Variants in PIP4K2A observed in about 807,000 individuals in gnomAD.
PIP4K2A encodes phosphatidylinositol 5-phosphate 4-kinase type-2 alpha.
In PIP4K2A, 14 loss-of-function variants were observed where a neutral mutation model predicts 42.9. The ratio of observed to expected loss-of-function variants is 0.33; its 90% CI spans 0.22 to 0.51. The LOEUF (loss-of-function observed/expected upper bound fraction) is 0.51, where lower values mean the gene tolerates loss of function less well. Among genes scored for constraint, PIP4K2A ranks in the 20% least tolerant of loss-of-function variants. The pLI is 0.97. For synonymous variants in PIP4K2A, 192 were observed against 192.2 expected, an observed-to-expected ratio of 1.00 and a Z score of 0.01; for missense variants, 434 against 519.8, an observed-to-expected ratio of 0.83 and a Z score of 1.61.
chr10:22,624,737 C>G (rs1298713905), intron 1 of PIP4K2A, among the ~76,000 whole-genome samples: 1 of 152,082 alleles, frequency 6.6e-6, no homozygotes, highest in African/African-American at 2.4e-5. Context: ...AGGTGAGACT[C>G]AACATTGAGT....
chr10:22,563,151 C>T (rs949279902), intron 6 of PIP4K2A, among the ~76,000 whole-genome samples: 1 of 152,158 alleles, frequency 6.6e-6, no homozygotes, highest in Admixed American at 6.5e-5. Context: ...AAGCTATTTC[C>T]TTTTCCCCTT....
At chr10:22,688,327 T>C (rs1254811735) in intron 1 of PIP4K2A, among the ~76,000 whole-genome samples, 2 of 152,194 alleles carry the variant, frequency 1.3e-5, no homozygotes, top group African/African-American at 4.8e-5. Context: ...CTATAGCTAA[T>C]AAACCTGCGC....
At chr10:22,697,701 G>C (rs963427854) in intron 1 of PIP4K2A, among the ~76,000 whole-genome samples, 2 of 151,726 alleles carry the variant, frequency 1.3e-5, no homozygotes, top group African/African-American at 2.4e-5. Flanking sequence ...ACTCCAGCCT[G>C]GGTAACAGGG....
intron 1 of PIP4K2A, among the ~76,000 whole-genome samples, chr10:22,615,555 T>C (rs919575056): frequency 3.3e-5 from 5 of 152,232 alleles, no homozygotes; most frequent in African/African-American, 9.6e-5. Flanking sequence ...ACACCCTTTA[T>C]AGGAATAAGC....
chr10:22,601,205 G>A (rs1404172964), intron 3 of PIP4K2A, among the ~76,000 whole-genome samples: 12 of 137,352 alleles, frequency 8.7e-5, no homozygotes, highest in East Asian at 2.3e-4. Flanking sequence ...TAAACACAGC[G>A]TTTAACCTGG....
intron 1 of PIP4K2A, among the ~76,000 whole-genome samples, chr10:22,706,987 T>TAA (rs376971797): frequency 2.0e-5 from 3 of 147,630 alleles, no homozygotes; most frequent in Non-Finnish European, 3.0e-5. Flanking sequence ...TTTAAGATAT[T>TAA]AAAAAAAAAA....
chr10:22,551,615 T>G (rs1206221460), intron 6 of PIP4K2A, among the ~76,000 whole-genome samples: 4 of 152,230 alleles, frequency 2.6e-5, no homozygotes, highest in Non-Finnish European at 5.9e-5. Context: ...TTGTGCAACC[T>G]GCATTCAGTA....
intron 4 of PIP4K2A, among the ~76,000 whole-genome samples, chr10:22,577,453 C>T (rs1165851597): frequency 6.6e-6 from 1 of 152,168 alleles, no homozygotes; most frequent in African/African-American, 2.4e-5. Flanking sequence ...CTTCCCCTCT[C>T]CTTCCTTGCC....
At chr10:22,564,230 G>A (rs1836781483) in intron 6 of PIP4K2A, among the ~76,000 whole-genome samples, 1 of 149,952 alleles carries the variant, frequency 6.7e-6, no homozygotes, top group South Asian at 2.1e-4. Flanking sequence ...AAATACGTGT[G>A]GCTTTCCTCT....
chr10:22,554,409 T>C (rs1036032834), intron 6 of PIP4K2A, among the ~76,000 whole-genome samples: 5 of 152,244 alleles, frequency 3.3e-5, no homozygotes, highest in Admixed American at 1.3e-4. Flanking sequence ...GACAGCTTAA[T>C]GTAGCAACAG....
chr10:22,570,281 G>C lies in PIP4K2A; in HGVS notation c.640-2392C>G, dbSNP rs116489972. ...TTATCCCTATTTTAACAGATGAAGA[G>C]ACGGAGGGTCATAGAGGTTCAGCAA... On this transcript the variant is annotated intron_variant, in intron 5 of 9. Transcript: ENST00000376573. 2.4e-3 allele frequency among the ~76,000 whole-genome samples: 364 copies of C among 152,334 alleles called. 1 individual carries two copies. Among genetic ancestry groups the C allele is most frequent in the African/African-American group, 8.4e-3 (350 of 41,574 alleles).
At chr10:22,643,980 G>C (rs1778338) in intron 1 of PIP4K2A, among the ~76,000 whole-genome samples, 39,703 of 151,964 alleles carry the variant, frequency 0.26, 5,481 homozygotes, top group Non-Finnish European at 0.31. Context: ...ATGGCTCTCA[G>C]TTTTTAAAAC....
At chr10:22,602,727 T>C (rs1157205157) in intron 3 of PIP4K2A, among the ~76,000 whole-genome samples, 1 of 152,218 alleles carries the variant, frequency 6.6e-6, no homozygotes, top group Admixed American at 6.5e-5. Flanking sequence ...TTATTTTTCA[T>C]GTTTTTAGAG....
chr10:22,604,013 A>G (rs772699351), intron 3 of PIP4K2A, among the ~76,000 whole-genome samples: 178 of 117,474 alleles, frequency 1.5e-3, no homozygotes, highest in East Asian at 2.5e-3. Context: ...GCGCACGCAC[A>G]CACACACACA....
chr10:22,632,117 A>G (rs1048351294), intron 1 of PIP4K2A, among the ~76,000 whole-genome samples: 3 of 152,216 alleles, frequency 2.0e-5, no homozygotes, highest in Non-Finnish European at 2.9e-5. Context: ...CATGATAGAC[A>G]AAGACAGGAA....
intron 1 of PIP4K2A, among the ~76,000 whole-genome samples, chr10:22,703,895 G>A (rs993216822): frequency 3.9e-5 from 6 of 152,142 alleles, no homozygotes; most frequent in South Asian, 2.1e-4. Context: ...TGCTCCCTAC[G>A]TTTAAGCTTG....
chr10:22,562,646 G>A (rs1317982767), intron 6 of PIP4K2A, among the ~76,000 whole-genome samples: 2 of 152,298 alleles, frequency 1.3e-5, no homozygotes, highest in Middle Eastern at 3.4e-3. Flanking sequence ...TGCTGTATCA[G>A]AGAGAGAAGG....
intron 1 of PIP4K2A, among the ~76,000 whole-genome samples, chr10:22,684,042 C>T (rs1839714807): frequency 6.6e-6 from 1 of 152,078 alleles, no homozygotes; most frequent in East Asian, 1.9e-4. Context: ...GCCTGGAGCC[C>T]ATTACTTTGT....
At chr10:22,714,132 G>C in intron 1 of PIP4K2A, 51 bp downstream of exon 1, 1 of 1,539,184 alleles carries the variant, frequency 6.5e-7, no homozygotes, top group South Asian at 1.2e-5. Context: ...GGGGAACGAG[G>C]AGGAAGAGGA....
Sources: gnomAD v4.1 joint callset for allele counts (sites outside exome capture counted in the v4.1 genomes callset) on GRCh38, gnomAD v4.1.1 for gene constraint, MANE v1.5 for transcripts, NCBI Gene and HGNC (gene_info 2026-07-23, HGNC 2026-07-21) for gene names.